The following CACNA1E variants were observed in gnomAD, a reference collection of about 807,000 sequenced individuals.
CACNA1E encodes the protein calcium voltage-gated channel subunit alpha1 E.
In CACNA1E, 40 loss-of-function variants were observed where a neutral mutation model predicts 259.2. The observed-to-expected ratio is 0.15, with a 90% CI of 0.12 to 0.20. The LOEUF is 0.20. CACNA1E is among the 10% of genes least tolerant of loss of function. CACNA1E has a pLI of 1.00. For synonymous variants in CACNA1E, 1,104 were observed against 1,138.5 expected (o/e 0.97, Z 0.61); for missense variants, 1,874 against 3,040.1 (o/e 0.62, Z 9.02).
chr1:181,332,598 T>G (rs1197963592), intron 1 of CACNA1E, among the ~76,000 whole-genome samples: 1 of 152,224 alleles, frequency 6.6e-6, no homozygotes, highest in Admixed American at 6.5e-5. Context: ...TAATTTTAAT[T>G]CTTATTTTCA....
At chr1:181,493,339 C>G (rs1486494076) in intron 1 of CACNA1E, among the ~76,000 whole-genome samples, 1 of 152,202 alleles carries the variant, frequency 6.6e-6, no homozygotes, top group African/African-American at 2.4e-5. Flanking sequence ...TTGCACTGGG[C>G]TGTCAGCCAG....
intron 7 of CACNA1E, among the ~76,000 whole-genome samples, chr1:181,704,855 C>T (rs1013540296): frequency 3.9e-5 from 6 of 152,056 alleles, no homozygotes; most frequent in Admixed American, 3.9e-4. Context: ...GTCCTCCAAC[C>T]GAGGCTTTCT....
intron 2 of CACNA1E, among the ~76,000 whole-genome samples, chr1:181,414,766 C>CA (rs1482171382): frequency 6.6e-6 from 1 of 152,188 alleles, no homozygotes; most frequent in Non-Finnish European, 1.5e-5. Flanking sequence ...TTCTCAAGGT[C>CA]ACGTGGATAA....
intron 7 of CACNA1E, among the ~76,000 whole-genome samples, chr1:181,667,630 A>T (rs1648365612): frequency 6.6e-6 from 1 of 152,200 alleles, no homozygotes; most frequent in Non-Finnish European, 1.5e-5. Flanking sequence ...AAGAAAAAAC[A>T]GCCACAGATA....
chr1:181,619,603 A>G (rs139930020), intron 6 of CACNA1E, among the ~76,000 whole-genome samples: 1 of 152,300 alleles, frequency 6.6e-6, no homozygotes, highest in African/African-American at 2.4e-5. Flanking sequence ...GCAAAGATGG[A>G]AGTAAGGAGA....
chr1:181,761,370 A>T (rs1354532093), intron 32 of CACNA1E, among the ~76,000 whole-genome samples: 2 of 152,110 alleles, frequency 1.3e-5, no homozygotes, highest in Non-Finnish European at 2.9e-5. Flanking sequence ...ATATTTTTCA[A>T]TCCCTGCCTC....
chr1:181,731,999 A>C (rs1655528284), intron 19 of CACNA1E, among the ~76,000 whole-genome samples: 1 of 151,756 alleles, frequency 6.6e-6, no homozygotes, highest in Admixed American at 6.6e-5. Flanking sequence ...TTTGACCTTG[A>C]ATCAAGGGCC....
intron 3 of CACNA1E, among the ~76,000 whole-genome samples, chr1:181,533,836 A>T (rs1667956868): frequency 6.6e-6 from 1 of 151,908 alleles, no homozygotes; most frequent in Non-Finnish European, 1.5e-5. Context: ...CTTGTGAATG[A>T]TTTAATTTTT....
chr1:181,799,949 G>A lies in CACNA1E; in HGVS notation c.*1115G>A, dbSNP rs1662153384. The A allele has an allele frequency of 6.6e-6, 1 of 152,418 alleles. No homozygotes were observed. The highest frequency in any genetic ancestry group is 2.4e-5 in the African/African-American group (1 of 41,466). 9.4% of individuals were successfully genotyped at this position (152,418 alleles called of 1,614,324 possible). ...GCCAGTGCTGTGCCAAGCCCGGTAA[G>A]GCCAAGTGCCGAGGCCCAGCCTTCC... On this transcript the variant is annotated 3_prime_UTR_variant, in exon 48 of 48. Transcript: ENST00000367573.
intron 1 of CACNA1E, among the ~76,000 whole-genome samples, chr1:181,405,629 G>A (rs74127785): frequency 0.034 from 5,131 of 152,052 alleles, 93 homozygotes; most frequent in South Asian, 0.055. Context: ...TCTTTCCTCC[G>A]TACCTGTTTA....
chr1:181,479,853 G>T (rs1250808457), upstream of CACNA1E, among the ~76,000 whole-genome samples: 2 of 152,220 alleles, frequency 1.3e-5, no homozygotes, highest in Non-Finnish European at 2.9e-5. Context: ...ACGGCTTAAC[G>T]TTGCTGAAAC....
At chr1:181,540,261 C>T (rs1231636906) in intron 3 of CACNA1E, among the ~76,000 whole-genome samples, 1 of 152,130 alleles carries the variant, frequency 6.6e-6, no homozygotes, top group Non-Finnish European at 1.5e-5. Flanking sequence ...TGCCCTGTAT[C>T]CTCATCTCCC....
rs1659577688 is a variant in CACNA1E at position 181,772,176 on chromosome 1, G to A, written c.5084G>A (p.Gly1695Asp). The stretch of plus-strand genomic sequence containing the variant: ...GGGCAGAACGAGAACGAACGCTGCG[G>A]CACCGATCTGGCCTACGTGTACTTT... ...PSGQNENERC[G>D]TDLAYVYFVS... The change falls in exon 37 of 48, where the codon GGC (glycine) becomes GAC (aspartate). Residue 1695 changes from glycine (G) to aspartate (D), a missense_variant. Physicochemically the swap from Gly to Asp is moderately conservative, Grantham distance 94. Around this residue, in one of 14 missense-constraint regions of CACNA1E, gnomAD observed 147 missense variants for 337.1 expected, o/e 0.44. Transcript: ENST00000367573. 1 of 1,613,848 alleles carries A rather than the reference G, an allele frequency of 6.2e-7. No homozygotes were observed.
chr1:181,784,402 C>A (rs568239692), intron 40 of CACNA1E, among the ~76,000 whole-genome samples: 1 of 152,162 alleles, frequency 6.6e-6, no homozygotes, highest in Non-Finnish European at 1.5e-5. Context: ...GCTTTTAGAA[C>A]GAATGAGGAA....
intron 6 of CACNA1E, among the ~76,000 whole-genome samples, chr1:181,643,224 C>T (rs142462425): frequency 2.6e-5 from 4 of 152,172 alleles, no homozygotes; most frequent in African/African-American, 9.7e-5. Flanking sequence ...CCAGCAGTTA[C>T]AAGAAGACCT....
chr1:181,512,026 T>C (rs957225374), intron 3 of CACNA1E, among the ~76,000 whole-genome samples: 3 of 152,248 alleles, frequency 2.0e-5, no homozygotes, highest in African/African-American at 4.8e-5. Context: ...TTGTTAATAG[T>C]ATAAAATCGA....
chr1:181,660,351 A>T (rs139425061), intron 7 of CACNA1E, among the ~76,000 whole-genome samples: 80 of 152,350 alleles, frequency 5.3e-4, no homozygotes, highest in Middle Eastern at 6.8e-3. Flanking sequence ...GGGTAAAATG[A>T]GGAGATTGTA....
intron 1 of CACNA1E, among the ~76,000 whole-genome samples, chr1:181,491,350 A>G (rs1664298410): frequency 6.6e-6 from 1 of 152,210 alleles, no homozygotes; most frequent in African/African-American, 2.4e-5. Context: ...TTGTTAAAAT[A>G]CAGATTACTA....
At chr1:181,434,915 G>A (rs1009974391) in intron 2 of CACNA1E, among the ~76,000 whole-genome samples, 1 of 152,204 alleles carries the variant, frequency 6.6e-6, no homozygotes, top group African/African-American at 2.4e-5. Flanking sequence ...CTCTTGGCAC[G>A]TCTCTTCCCA....
Sources: allele counts gnomAD v4.1 joint callset (sites outside exome capture counted in the v4.1 genomes callset), GRCh38; gene constraint gnomAD v4.1.1; regional missense constraint gnomAD v4.1.1; transcripts MANE v1.5; gene names NCBI Gene and HGNC (gene_info 2026-07-23, HGNC 2026-07-21).